Variants in ABCA13 observed in about 807,000 individuals in gnomAD.
ABCA13 encodes the protein ATP-binding cassette sub-family A member 13.
A neutral mutation model predicts 478.7 loss-of-function variants in ABCA13; 476 were observed. That is an observed-to-expected ratio of 0.99 (90% CI 0.92 to 1.07). ABCA13 has a LOEUF of 1.07. Ranked by LOEUF, ABCA13 falls within the 50% of genes least tolerant of loss-of-function variation. ABCA13 has a pLI of 0.00. For synonymous variants in ABCA13, 2,252 were observed against 2,158.9 expected (o/e 1.04, Z -1.20); for missense variants, 6,060 against 5,910.6 (o/e 1.03, Z -0.83).
chr7:48,392,938 G>C (rs1816285014), intron 38 of ABCA13, among the ~76,000 whole-genome samples: 1 of 152,198 alleles, frequency 6.6e-6, no homozygotes, highest in Non-Finnish European at 1.5e-5. Context: ...CCACATGGGG[G>C]GCTGAACCCT....
At chr7:48,225,138 T>TGCC (rs1435550421) in intron 5 of ABCA13, among the ~76,000 whole-genome samples, 1,939 of 110,574 alleles carry the variant, frequency 0.018, 38 homozygotes, top group African/African-American at 0.061. Flanking sequence ...CCTGCCTGCC[T>TGCC]TCCTTCCTTC....
chr7:48,382,977 C>T (rs1349268498), intron 35 of ABCA13, among the ~76,000 whole-genome samples: 1 of 152,094 alleles, frequency 6.6e-6, no homozygotes. Flanking sequence ...TGCCCTGCTC[C>T]TTTGTCACTG....
At chr7:48,477,752 A>C (rs1380307480) in intron 45 of ABCA13, among the ~76,000 whole-genome samples, 1 of 55,878 alleles carries the variant, frequency 1.8e-5, no homozygotes. Flanking sequence ...GGGTGGGGGG[A>C]GGGGGGAGGG....
At chr7:48,418,232 A>T (rs961943086) in intron 41 of ABCA13, among the ~76,000 whole-genome samples, 1 of 152,194 alleles carries the variant, frequency 6.6e-6, no homozygotes, top group Non-Finnish European at 1.5e-5. Flanking sequence ...TTACAGTAAG[A>T]GTGTCTTTAG....
chr7:48,178,975 CTAATAATAATAATAATAAT>C (rs1423661857), intron 1 of ABCA13, among the ~76,000 whole-genome samples: 1 of 142,076 alleles, frequency 7.0e-6, no homozygotes, highest in Non-Finnish European at 1.5e-5. Flanking sequence ...AAAACAAAAA[CTAATAATAATAATAATAAT>C]AATAATAATA....
At chr7:48,327,396 T>C (rs892778033) in intron 27 of ABCA13, among the ~76,000 whole-genome samples, 1 of 152,124 alleles carries the variant, frequency 6.6e-6, no homozygotes, top group African/African-American at 2.4e-5. Flanking sequence ...TCATGACACG[T>C]GGGGATTAGG....
At chr7:48,251,295 G>GT (rs1792516303) in intron 15 of ABCA13, among the ~76,000 whole-genome samples, 1 of 152,190 alleles carries the variant, frequency 6.6e-6, no homozygotes, top group African/African-American at 2.4e-5. Context: ...ATATGCAATA[G>GT]TGGCAACAGG....
At chr7:48,230,028 A>T in intron 7 of ABCA13, 73 bp downstream of exon 7, 2 of 1,460,574 alleles carry the variant, frequency 1.4e-6, no homozygotes, top group Non-Finnish European at 1.8e-6. Flanking sequence ...GTTGACATAG[A>T]GCTAAAATGA....
intron 28 of ABCA13, 139 bp from the exon 29 acceptor site, chr7:48,338,226 G>T (rs560498095): frequency 1.8e-5 from 9 of 511,466 alleles, no homozygotes; most frequent in Non-Finnish European, 2.6e-5. Flanking sequence ...TTATTGTGGT[G>T]TTTTAAAACT....
chr7:48,543,320 A>G (rs1473911865), intron 55 of ABCA13, among the ~76,000 whole-genome samples: 9 of 151,834 alleles, frequency 5.9e-5, no homozygotes, highest in Admixed American at 5.9e-4. Context: ...GGAAAAGACT[A>G]CAATTACAAT....
intron 48 of ABCA13, among the ~76,000 whole-genome samples, chr7:48,498,450 C>T (rs535832889): frequency 6.6e-6 from 1 of 152,224 alleles, no homozygotes; most frequent in African/African-American, 2.4e-5. Context: ...AGTCTCAGGG[C>T]ACCATCATCT....
intron 34 of ABCA13, among the ~76,000 whole-genome samples, chr7:48,375,607 GT>G (rs201776351): frequency 7.7e-4 from 117 of 151,226 alleles, no homozygotes; most frequent in African/African-American, 2.6e-3. Context: ...TATTTGTATG[GT>G]TTTTTTTGGG....
chr7:48,471,302 G>GA (rs1256438968), intron 44 of ABCA13, among the ~76,000 whole-genome samples: 1 of 152,198 alleles, frequency 6.6e-6, no homozygotes, highest in Non-Finnish European at 1.5e-5. Flanking sequence ...AGTACAGTAA[G>GA]AAAAGTGAGC....
intron 35 of ABCA13, among the ~76,000 whole-genome samples, chr7:48,379,212 A>C (rs1439406341): frequency 6.6e-6 from 1 of 152,218 alleles, no homozygotes; most frequent in African/African-American, 2.4e-5. Context: ...AGAGTTGGCA[A>C]TTTGCATATT....
intron 32 of ABCA13, among the ~76,000 whole-genome samples, chr7:48,369,084 A>G (rs1217351451): frequency 6.6e-6 from 1 of 151,822 alleles, no homozygotes; most frequent in African/African-American, 2.4e-5. Flanking sequence ...GATTTTTTTG[A>G]TTATGGCCAT....
intron 48 of ABCA13, among the ~76,000 whole-genome samples, chr7:48,499,449 C>T (rs552821971): frequency 1.1e-3 from 168 of 152,214 alleles, no homozygotes; most frequent in Non-Finnish European, 1.8e-3. Context: ...AAAGTGAGTA[C>T]TTGAATTGGA....
In ABCA13 at chr7:48,239,190, G is replaced by A. The variant is rs1172341029; in HGVS notation, c.898-51G>A. 9 of 1,587,196 alleles carry A rather than the reference G, an allele frequency of 5.7e-6. No individual in the cohort carries two copies. The East Asian group carries it at 2.0e-4, about 36-fold the overall frequency. On this transcript the variant is annotated intron_variant, in intron 8 of 61. Transcript: ENST00000435803. ...CGTGGTGTTATTTTTAGAAGAGGAA[G>A]GTTCTAGGAAAGGAGCTTTATGTCT...
At chr7:48,401,600 A>C (rs988544323) in intron 38 of ABCA13, among the ~76,000 whole-genome samples, 1 of 152,192 alleles carries the variant, frequency 6.6e-6, no homozygotes, top group Admixed American at 6.5e-5. Flanking sequence ...CTTTATACCC[A>C]ATATGCAACC....
intron 55 of ABCA13, among the ~76,000 whole-genome samples, chr7:48,554,871 C>T (rs1206661502): frequency 6.7e-6 from 1 of 150,168 alleles, no homozygotes; most frequent in Non-Finnish European, 1.5e-5. Context: ...CTAGAAGTTC[C>T]AGTACTATGT....
Sources: gnomAD v4.1 joint callset for allele counts (sites outside exome capture counted in the v4.1 genomes callset) on GRCh38, gnomAD v4.1.1 for gene constraint, MANE v1.5 for transcripts, NCBI Gene and HGNC (gene_info 2026-07-23, HGNC 2026-07-21) for gene names.